ADAM9: variants seen among roughly 807,000 people sequenced by gnomAD.
ADAM9 encodes the protein ADAM metallopeptidase domain 9.
In ADAM9, 54 loss-of-function variants were observed where a neutral mutation model predicts 108.1. The ratio of observed to expected loss-of-function variants is 0.50; its 90% CI spans 0.40 to 0.63. ADAM9 has a LOEUF of 0.63. Ranked by LOEUF, ADAM9 falls within the 20% of genes least tolerant of loss-of-function variation. The probability of loss-of-function intolerance (pLI) is 0.00; values close to 1 mark genes in which losing one functional copy is unlikely to be tolerated. For synonymous variants in ADAM9, 316 were observed against 336.0 expected, an observed-to-expected ratio of 0.94 and a Z score of 0.65; for missense variants, 830 against 997.7, an observed-to-expected ratio of 0.83 and a Z score of 2.26.
chr8:39,017,074 G>A, intron 5 of ADAM9, 145 bp from the exon 6 acceptor site: 1 of 866,964 alleles, frequency 1.2e-6, no homozygotes, highest in Non-Finnish European at 1.8e-6. Context: ...AGCCCTATCT[G>A]TCTGATTCTA....
At chr8:39,010,595 C>T (rs193020021) in intron 2 of ADAM9, among the ~76,000 whole-genome samples, 6 of 152,210 alleles carry the variant, frequency 3.9e-5, no homozygotes, top group Non-Finnish European at 8.8e-5. Flanking sequence ...AGAGTTAAGG[C>T]GAAGTCACAT....
chr8:39,051,934 CAT>C (rs1262515897), intron 12 of ADAM9, among the ~76,000 whole-genome samples: 1 of 152,010 alleles, frequency 6.6e-6, no homozygotes, highest in Non-Finnish European at 1.5e-5. Context: ...TATATACAAA[CAT>C]ACACACCTCA....
Position 39,104,027 on chromosome 8 carries a change from A to G in ADAM9, c.*327A>G, listed in dbSNP as rs1382749228. On this transcript the variant is annotated 3_prime_UTR_variant, in exon 22 of 22. Coordinates refer to ENST00000487273, the MANE Select transcript of ADAM9 (RefSeq NM_003816.3). ...ATTCTCAAATTAACTGTATTGGTGT[A>G]AGAGTTTTGTCATTAAGTGTTTAAG... 2 of 519,016 alleles carry G rather than the reference A, an allele frequency of 3.9e-6. No homozygotes were observed. The highest frequency in any genetic ancestry group is 5.1e-5 in the East Asian group (1 of 19,588). 32.2% of individuals were successfully genotyped at this position (519,016 alleles called of 1,614,324 possible).
chr8:39,035,176 C>A (rs897469014), intron 11 of ADAM9, among the ~76,000 whole-genome samples: 1 of 152,108 alleles, frequency 6.6e-6, no homozygotes, highest in Non-Finnish European at 1.5e-5. Context: ...CTTCTGATAT[C>A]TTTCAGCTCA....
At chr8:39,002,033 TAAAAAA>T (rs35778686) in intron 1 of ADAM9, among the ~76,000 whole-genome samples, 5 of 108,590 alleles carry the variant, frequency 4.6e-5, no homozygotes, top group African/African-American at 1.7e-4. Context: ...CTAGAATGAT[TAAAAAA>T]AAAAAAAAAA....
intron 14 of ADAM9, among the ~76,000 whole-genome samples, chr8:39,067,602 C>T (rs541922444): frequency 9.2e-5 from 14 of 152,284 alleles, no homozygotes; most frequent in African/African-American, 2.6e-4. Context: ...TTTGTATCCT[C>T]AGACTTTGCT....
intron 10 of ADAM9, 74 bp from the exon 11 acceptor site, chr8:39,026,603 G>GA: frequency 6.2e-7 from 1 of 1,602,298 alleles, no homozygotes; most frequent in Non-Finnish European, 8.5e-7. Context: ...TTCCTTTTGT[G>GA]AAAAAATAAT....
At chr8:39,032,853 G>C (rs1216713343) in intron 11 of ADAM9, among the ~76,000 whole-genome samples, 2 of 152,202 alleles carry the variant, frequency 1.3e-5, no homozygotes, top group South Asian at 4.1e-4. Flanking sequence ...CTTGAAGTCA[G>C]GTAGCACCAG....
At chr8:39,035,795 T>C (rs780251560) in intron 11 of ADAM9, among the ~76,000 whole-genome samples, 3 of 152,096 alleles carry the variant, frequency 2.0e-5, no homozygotes, top group Non-Finnish European at 4.4e-5. Context: ...CCAGCCTGGG[T>C]GACAGAGCGA....
chr8:39,075,078 T>C (rs12546318), intron 15 of ADAM9, among the ~76,000 whole-genome samples: 35,815 of 151,644 alleles, frequency 0.24, 4,543 homozygotes, highest in South Asian at 0.31. Context: ...GGCTAAGTTT[T>C]GTATTTTTAG....
intron 21 of ADAM9, among the ~76,000 whole-genome samples, chr8:39,103,053 C>T (rs1445316809): frequency 6.6e-6 from 1 of 152,124 alleles, no homozygotes; most frequent in Non-Finnish European, 1.5e-5. Context: ...GGGAAACATT[C>T]ACCAGGTAGT....
At chr8:39,022,775 G>T (rs558324025) in intron 8 of ADAM9, among the ~76,000 whole-genome samples, 1 of 151,874 alleles carries the variant, frequency 6.6e-6, no homozygotes, top group African/African-American at 2.4e-5. Context: ...GTCCAGTGGC[G>T]CAATCTCGGC....
At chr8:39,087,772 T>A (rs913336389) in intron 18 of ADAM9, among the ~76,000 whole-genome samples, 1 of 152,220 alleles carries the variant, frequency 6.6e-6, no homozygotes, top group Non-Finnish European at 1.5e-5. Context: ...ATATGAAGCT[T>A]GCTTTAATTT....
In ADAM9 at chr8:39,045,385, G is replaced by GGTGTGTGTACACACACCTATATGTAC. The variant is rs1837697161; in HGVS notation, c.1302+3292_1302+3293insACGTGTGTGTACACACACCTATATGT. ...ATAGGTGTGTGTACATACACCTATA[G>GGTGTGTGTACACACACCTATATGTAC]GTGTGTGTACACACACCTATATGTG... On this transcript the variant is annotated intron_variant, in intron 12 of 21. Coordinates refer to ENST00000487273, the MANE Select transcript of ADAM9 (RefSeq NM_003816.3). Among the ~76,000 whole-genome samples the GGTGTGTGTACACACACCTATATGTAC allele has an allele frequency of 1.4e-3, 23 of 15,958 alleles. 5 individuals carry two copies. The highest frequency in any genetic ancestry group is 5.5e-3 in the African/African-American group (23 of 4,178). 10.5% of individuals were successfully genotyped at this position (15,958 alleles called of 152,430 possible).
intron 1 of ADAM9, among the ~76,000 whole-genome samples, chr8:39,003,769 CAG>C (rs1434164212): frequency 6.6e-6 from 1 of 152,106 alleles, no homozygotes; most frequent in Non-Finnish European, 1.5e-5. Context: ...CCCTTACACA[CAG>C]AAATTATTTC....
intron 13 of ADAM9, 110 bp downstream of exon 13, chr8:39,054,683 T>A: frequency 1.0e-6 from 1 of 953,662 alleles, no homozygotes; most frequent in Non-Finnish European, 1.6e-6. Flanking sequence ...TATTTTTATT[T>A]TATGGTCATG....
intron 12 of ADAM9, among the ~76,000 whole-genome samples, chr8:39,051,653 C>G (rs553252049): frequency 6.6e-6 from 1 of 152,080 alleles, no homozygotes; most frequent in African/African-American, 2.4e-5. Context: ...GCCACTCTGG[C>G]TTTTATTTTT....
intron 14 of ADAM9, among the ~76,000 whole-genome samples, chr8:39,058,032 C>G (rs1403412097): frequency 6.6e-6 from 1 of 152,144 alleles, no homozygotes; most frequent in Non-Finnish European, 1.5e-5. Flanking sequence ...ATAACACTAT[C>G]CTGCATGCAA....
At chr8:39,045,343 CAT>C (rs1491212765) in intron 12 of ADAM9, among the ~76,000 whole-genome samples, 5 of 118,902 alleles carry the variant, frequency 4.2e-5, no homozygotes, top group Admixed American at 1.7e-4. Context: ...TACACCTATA[CAT>C]GTGTGTACAT....
Sources: allele counts gnomAD v4.1 joint callset (sites outside exome capture counted in the v4.1 genomes callset), GRCh38; gene constraint gnomAD v4.1.1; transcripts MANE v1.5; gene names NCBI Gene and HGNC (gene_info 2026-07-23, HGNC 2026-07-21).